The following NKAIN3 variants were observed in gnomAD, a reference collection of about 807,000 sequenced individuals.
The protein encoded by NKAIN3 is sodium/potassium transporting ATPase interacting 3.
A neutral mutation model predicts 30.2 loss-of-function variants in NKAIN3; 25 were observed. The ratio of observed to expected loss-of-function variants is 0.83; its 90% CI spans 0.60 to 1.16. The LOEUF (loss-of-function observed/expected upper bound fraction) is 1.16. Ranked by LOEUF, NKAIN3 falls within the 50% of genes most tolerant of loss-of-function variation. The pLI is 0.00. For synonymous variants in NKAIN3, 91 were observed against 89.6 expected, an observed-to-expected ratio of 1.02 and a Z score of -0.09; for missense variants, 225 against 254.1, an observed-to-expected ratio of 0.89 and a Z score of 0.78.
At chr8:62,444,881 C>A (rs943101438) in intron 1 of NKAIN3, among the ~76,000 whole-genome samples, 1 of 152,126 alleles carries the variant, frequency 6.6e-6, no homozygotes, top group Admixed American at 6.6e-5. Context: ...TATTCCCTGT[C>A]TTTTCTGATA....
chr8:62,380,147 A>G (rs1257301237), intron 1 of NKAIN3, among the ~76,000 whole-genome samples: 1 of 152,228 alleles, frequency 6.6e-6, no homozygotes, highest in Non-Finnish European at 1.5e-5. Flanking sequence ...GAAATAGCTT[A>G]GGCAGACTTC....
chr8:62,875,906 A>T (rs149953886), intron 4 of NKAIN3, among the ~76,000 whole-genome samples: 1 of 152,336 alleles, frequency 6.6e-6, no homozygotes, highest in East Asian at 1.9e-4. Flanking sequence ...ACCATTCAGG[A>T]CATAGGAATG....
chr8:62,531,470 G>A (rs540445731), intron 1 of NKAIN3, among the ~76,000 whole-genome samples: 2 of 152,194 alleles, frequency 1.3e-5, no homozygotes, highest in South Asian at 2.1e-4. Context: ...GTTTCTCCGT[G>A]CCTGTATTCT....
chr8:62,413,881 T>C (rs1585781107), intron 1 of NKAIN3, among the ~76,000 whole-genome samples: 1 of 152,168 alleles, frequency 6.6e-6, no homozygotes, highest in Non-Finnish European at 1.5e-5. Flanking sequence ...TATTGCCATA[T>C]GCTTTCACAG....
At chr8:62,496,879 TG>T (rs1457928932) in intron 1 of NKAIN3, among the ~76,000 whole-genome samples, 1 of 152,176 alleles carries the variant, frequency 6.6e-6, no homozygotes, top group African/African-American at 2.4e-5. Flanking sequence ...TTTCCGTACG[TG>T]GCCTCCAATT....
chr8:62,896,290 T>C (rs925096732), intron 4 of NKAIN3, among the ~76,000 whole-genome samples: 3 of 152,062 alleles, frequency 2.0e-5, no homozygotes, highest in Non-Finnish European at 2.9e-5. Context: ...TCATGGGGGC[T>C]CCACCCTCAT....
At chr8:62,570,434 G>C (rs1421954190) in intron 1 of NKAIN3, among the ~76,000 whole-genome samples, 1 of 152,166 alleles carries the variant, frequency 6.6e-6, no homozygotes, top group Non-Finnish European at 1.5e-5. Flanking sequence ...ATTTACAAAG[G>C]AAAGAGGTTT....
At chr8:62,765,237 A>G (rs1388994720) in intron 4 of NKAIN3, among the ~76,000 whole-genome samples, 1 of 109,168 alleles carries the variant, frequency 9.2e-6, no homozygotes, top group Non-Finnish European at 1.8e-5. Context: ...ATGGTGTGAG[A>G]CTCCATCTCA....
chr8:62,425,911 T>C (rs1210124237), intron 1 of NKAIN3, among the ~76,000 whole-genome samples: 4 of 151,952 alleles, frequency 2.6e-5, no homozygotes, highest in Non-Finnish European at 5.9e-5. Flanking sequence ...TCCTTTACAG[T>C]TAAATAAACT....
At chr8:62,321,773 A>T (rs557838426) in intron 1 of NKAIN3, among the ~76,000 whole-genome samples, 18 of 152,182 alleles carry the variant, frequency 1.2e-4, no homozygotes, top group African/African-American at 4.1e-4. Context: ...CTACTCAGGG[A>T]TCAGGGACCC....
chr8:62,577,536 CTTTTT>C (rs35130487), intron 1 of NKAIN3, among the ~76,000 whole-genome samples: 2 of 111,188 alleles, frequency 1.8e-5, no homozygotes, highest in African/African-American at 3.4e-5. Context: ...TCAGGGTTTC[CTTTTT>C]TTTTTTTTTT....
At chr8:62,904,770 A>T (rs1160241115) in intron 4 of NKAIN3, among the ~76,000 whole-genome samples, 1 of 152,216 alleles carries the variant, frequency 6.6e-6, no homozygotes, top group Non-Finnish European at 1.5e-5. Flanking sequence ...GGCAGTGCTA[A>T]GTGTTAGAAA....
At chr8:62,575,697 T>C (rs1490834530) in intron 1 of NKAIN3, among the ~76,000 whole-genome samples, 2 of 152,006 alleles carry the variant, frequency 1.3e-5, no homozygotes, top group African/African-American at 2.4e-5. Flanking sequence ...AGGAATCACA[T>C]TACCTGACTT....
chr8:62,349,141 T>C (rs1280123217), intron 1 of NKAIN3, among the ~76,000 whole-genome samples: 2 of 152,204 alleles, frequency 1.3e-5, no homozygotes, highest in Admixed American at 6.5e-5. Flanking sequence ...TCATTAGTTC[T>C]TGGGACTATT....
chr8:62,651,654 T>C (rs1045850525), intron 3 of NKAIN3, among the ~76,000 whole-genome samples: 3 of 152,162 alleles, frequency 2.0e-5, no homozygotes, highest in Non-Finnish European at 4.4e-5. Flanking sequence ...GGTTTGGACA[T>C]GTGTCCCTTC....
chr8:62,496,571 C>T (rs912410366), intron 1 of NKAIN3, among the ~76,000 whole-genome samples: 2 of 152,076 alleles, frequency 1.3e-5, no homozygotes, highest in Non-Finnish European at 2.9e-5. Flanking sequence ...ATGAAGTCAT[C>T]CTAGTGTCAT....
At chr8:62,512,028 A>G (rs557756039) in intron 1 of NKAIN3, among the ~76,000 whole-genome samples, 3 of 152,192 alleles carry the variant, frequency 2.0e-5, no homozygotes, top group East Asian at 3.9e-4. Flanking sequence ...TATTCCCACT[A>G]TCTTGTATGA....
chr8:62,561,032 A>C (rs1361659217), intron 1 of NKAIN3, among the ~76,000 whole-genome samples: 3 of 152,008 alleles, frequency 2.0e-5, no homozygotes, highest in Non-Finnish European at 4.4e-5. Context: ...GTTTGACTAG[A>C]GTATAATGGT....
chr8:62,769,237 G>A (rs1816944520), intron 4 of NKAIN3, among the ~76,000 whole-genome samples: 1 of 152,124 alleles, frequency 6.6e-6, no homozygotes, highest in African/African-American at 2.4e-5. Context: ...AAGTTCAAAA[G>A]TTTATACAAG....
Sources: allele counts gnomAD v4.1 joint callset (sites outside exome capture counted in the v4.1 genomes callset), GRCh38; gene constraint gnomAD v4.1.1; transcripts MANE v1.5; gene names NCBI Gene and HGNC (gene_info 2026-07-23, HGNC 2026-07-21).